RBFOX1: variants seen among roughly 807,000 people sequenced by gnomAD.
RBFOX1 encodes the protein RNA binding fox-1 homolog 1, also known as RNA binding protein fox-1 homolog 1.
Under a neutral mutation model 57.7 loss-of-function variants are expected in RBFOX1, and 8 were observed. The observed-to-expected ratio is 0.14, with a 90% CI of 0.08 to 0.25. RBFOX1 has a LOEUF of 0.25. RBFOX1 is among the 10% of genes least tolerant of loss of function. The pLI, the probability that RBFOX1 is intolerant of heterozygous loss-of-function variation, is 1.00. For synonymous variants in RBFOX1, 326 were observed against 222.4 expected (o/e 1.47, Z -4.15); for missense variants, 611 against 548.5 (o/e 1.11, Z -1.14).
intron 2 of RBFOX1, among the ~76,000 whole-genome samples, chr16:6,398,247 G>C (rs762502931): frequency 2.0e-5 from 3 of 152,010 alleles, no homozygotes; most frequent in Non-Finnish European, 4.4e-5. Flanking sequence ...TAACATATGC[G>C]GATTATGGGA....
intron 14 of RBFOX1, among the ~76,000 whole-genome samples, chr16:7,686,394 C>G (rs1185645987): frequency 1.3e-5 from 2 of 152,004 alleles, no homozygotes; most frequent in African/African-American, 4.8e-5. Context: ...GTTATCTTTT[C>G]TGCTCATGGA....
intron 1 of RBFOX1, among the ~76,000 whole-genome samples, chr16:6,235,434 GA>G (rs2097498390): frequency 6.6e-6 from 1 of 152,104 alleles, no homozygotes. Flanking sequence ...GTCATCATAT[GA>G]AAAAGACACT....
intron 3 of RBFOX1, among the ~76,000 whole-genome samples, chr16:5,820,274 GTTCT>G (rs1204651890): frequency 2.6e-5 from 4 of 152,178 alleles, no homozygotes; most frequent in African/African-American, 9.7e-5. Flanking sequence ...GTCTTATTCA[GTTCT>G]TTGTCTTCGG....
intron 4 of RBFOX1, among the ~76,000 whole-genome samples, chr16:7,197,522 TAAA>T: frequency 6.6e-6 from 1 of 151,108 alleles, no homozygotes; most frequent in Admixed American, 6.6e-5. Flanking sequence ...GGCCATGCCT[TAAA>T]AAAAGTTAAA....
intron 3 of RBFOX1, among the ~76,000 whole-genome samples, chr16:6,887,125 C>G (rs913911690): frequency 2.0e-5 from 3 of 152,126 alleles, no homozygotes; most frequent in Admixed American, 2.0e-4. Context: ...CATGAAGTTC[C>G]TTTACATTGT....
intron 4 of RBFOX1, among the ~76,000 whole-genome samples, chr16:7,181,314 T>G (rs1483634821): frequency 1.3e-5 from 2 of 152,116 alleles, no homozygotes; most frequent in Admixed American, 6.6e-5. Context: ...TAAAAGAAAT[T>G]CCATGTCATC....
chr16:6,194,251 G>A (rs902977905), intron 1 of RBFOX1, among the ~76,000 whole-genome samples: 1 of 152,122 alleles, frequency 6.6e-6, no homozygotes, highest in Non-Finnish European at 1.5e-5. Context: ...ACAGAATCCA[G>A]CATTTGCCTT....
rs60637926 is a variant in RBFOX1, at chr16:6,344,407, C to CTTTTTTTTTTTTTTTTTTTTTTTTTTTTT, written c.-64+27362_-64+27363insTTTTTTTTTTTTTTTTTTTTTTTTTTTTT. 2.5e-4 allele frequency among the ~76,000 whole-genome samples: 27 copies of CTTTTTTTTTTTTTTTTTTTTTTTTTTTTT among 109,844 alleles called. 1 individual carries two copies. The highest frequency in any genetic ancestry group is 5.7e-4 in the African/African-American group (13 of 22,974). The allele number at this position is 109,844 out of a possible 152,430, so 72.1% of individuals were successfully genotyped here. A position where few individuals can be genotyped will look rare whatever the true frequency, so the allele number is the denominator to read the frequency against. On this transcript the variant is annotated intron_variant, in intron 2 of 15. Transcript: ENST00000550418. ...TCTCTTCTTCTTTTTTCTTTTTTTT[C>CTTTTTTTTTTTTTTTTTTTTTTTTTTTTT]TTTTTTTTTTTTGAGACAGAGTCTC...
chr16:6,193,398 A>ATATATAC (rs1555545399), intron 1 of RBFOX1, among the ~76,000 whole-genome samples: 16,578 of 61,026 alleles, frequency 0.27, 2,332 homozygotes, highest in Non-Finnish European at 0.35. Flanking sequence ...TATACTATAT[A>ATATATAC]TATATATATA....
intron 5 of RBFOX1, among the ~76,000 whole-genome samples, chr16:7,563,053 C>A (rs9932628): frequency 6.6e-6 from 1 of 152,162 alleles, no homozygotes; most frequent in African/African-American, 2.4e-5. Flanking sequence ...AGGGACTAAA[C>A]ATCCCAAAGA....
At chr16:6,896,038 C>T (rs891539330) in intron 3 of RBFOX1, among the ~76,000 whole-genome samples, 3 of 151,968 alleles carry the variant, frequency 2.0e-5, no homozygotes, top group East Asian at 1.9e-4. Flanking sequence ...GTTGGGAGGC[C>T]GAGGTGGGCA....
chr16:5,282,306 G>T (rs949841159), intron 1 of RBFOX1, among the ~76,000 whole-genome samples: 1 of 152,186 alleles, frequency 6.6e-6, no homozygotes, highest in Non-Finnish European at 1.5e-5. Flanking sequence ...AGTCTTGAAT[G>T]TGTCTTTATC....
intron 3 of RBFOX1, among the ~76,000 whole-genome samples, chr16:6,888,479 G>A (rs2064660333): frequency 1.3e-5 from 2 of 152,000 alleles, no homozygotes; most frequent in South Asian, 4.2e-4. Context: ...TTCGGTTCAG[G>A]GGGAAATTAA....
intron 1 of RBFOX1, among the ~76,000 whole-genome samples, chr16:6,257,934 A>G (rs1193852916): frequency 6.6e-6 from 1 of 152,182 alleles, no homozygotes; most frequent in Non-Finnish European, 1.5e-5. Flanking sequence ...CTTTCGGTAT[A>G]TCCCCAGTAA....
chr16:6,113,476 G>T (rs543382975), intron 1 of RBFOX1, among the ~76,000 whole-genome samples: 3 of 152,330 alleles, frequency 2.0e-5, no homozygotes, highest in Admixed American at 6.5e-5. Flanking sequence ...GCAAGATTTT[G>T]TGTGGACTTG....
chr16:6,703,830 C>T (rs1016496715), intron 3 of RBFOX1: 3 of 152,374 alleles, frequency 2.0e-5, no homozygotes, highest in African/African-American at 7.2e-5. Flanking sequence ...GTGGCTTCCC[C>T]TCTCTGACAA....
chr16:5,791,545 A>G (rs1021660178), intron 3 of RBFOX1, among the ~76,000 whole-genome samples: 2 of 152,138 alleles, frequency 1.3e-5, no homozygotes, highest in African/African-American at 2.4e-5. Flanking sequence ...ACAGGCAGGC[A>G]GCACACAAAA....
chr16:6,409,562 A>C (rs2093392218), intron 2 of RBFOX1, among the ~76,000 whole-genome samples: 1 of 152,198 alleles, frequency 6.6e-6, no homozygotes, highest in African/African-American at 2.4e-5. Context: ...TACCTCCATG[A>C]AAAGTTGTGG....
At chr16:7,630,476 C>T (rs1342300670) in intron 10 of RBFOX1, 127 bp from the exon 11 acceptor site, 3 of 1,526,930 alleles carry the variant, frequency 2.0e-6, no homozygotes, top group East Asian at 4.9e-5. Context: ...GTTGGGTACC[C>T]TTGTCCTGCG....
Sources: allele counts gnomAD v4.1 joint callset (sites outside exome capture counted in the v4.1 genomes callset), GRCh38; gene constraint gnomAD v4.1.1; transcripts MANE v1.5; gene names NCBI Gene and HGNC (gene_info 2026-07-23, HGNC 2026-07-21).